The following CCDC18 variants were observed in gnomAD, a reference collection of about 807,000 sequenced individuals.
CCDC18 encodes coiled-coil domain-containing protein 18.
CCDC18 carries 157 observed loss-of-function variants against 196.0 expected under a neutral mutation model. The ratio of observed to expected loss-of-function variants is 0.80; its 90% CI spans 0.70 to 0.91. CCDC18 has a LOEUF of 0.91. CCDC18 is among the 40% of genes least tolerant of loss of function. CCDC18 has a pLI of 0.00. For missense variants in CCDC18, 1,465 were observed against 1,611.6 expected (o/e 0.91, Z 1.56); for synonymous variants, 482 against 529.2 (o/e 0.91, Z 1.22).
At chr1:93,182,294 G>GT (rs1571309548) in intron 1 of CCDC18, among the ~76,000 whole-genome samples, 1 of 152,164 alleles carries the variant, frequency 6.6e-6, no homozygotes. Flanking sequence ...GGGAATAAAT[G>GT]TAACATACCA....
chr1:93,255,739 C>CGAAGAAGAG (rs554040323), intron 24 of CCDC18, among the ~76,000 whole-genome samples: 3 of 114,870 alleles, frequency 2.6e-5, no homozygotes, highest in East Asian at 2.2e-4. Flanking sequence ...CTGTACCAAA[C>CGAAGAAGAG]GAAGAAGAGG....
chr1:93,258,783 G>C lies in CCDC18; in HGVS notation c.3582G>C (p.Gly1194=), dbSNP rs1167236372. The part of the protein sequence containing the change: ...AHGNHLAEEL[G]ASKVREAHLE... Reference sequence around the variant, plus strand: ...GAAACCATTTAGCTGAAGAACTGGGGGCTTCTAAAGTACGTGAAGCTCATT... The same window carrying C: ...GAAACCATTTAGCTGAAGAACTGGGCGCTTCTAAAGTACGTGAAGCTCATT... Residue 1194 remains glycine, a synonymous_variant, in exon 26 of 29, where the codon GGG becomes GGC. Transcript: ENST00000690025. The C allele has an allele frequency of 6.3e-7, 1 of 1,578,900 alleles. No homozygotes were observed.
At chr1:93,217,015 A>C (rs1398117336) in intron 13 of CCDC18, among the ~76,000 whole-genome samples, 1 of 146,658 alleles carries the variant, frequency 6.8e-6, no homozygotes, top group Non-Finnish European at 1.5e-5. Context: ...GCTCACTGCA[A>C]GCTCTGCCTC....
At chr1:93,250,291 G>A (rs1662054764) in intron 23 of CCDC18, among the ~76,000 whole-genome samples, 1 of 150,100 alleles carries the variant, frequency 6.7e-6, no homozygotes, top group South Asian at 2.1e-4. Context: ...TGAGGCGGGA[G>A]GATCACTTGA....
Position 93,207,386 on chromosome 1 carries a change from A to G in CCDC18, c.1197A>G (p.Ile399Met). ...AACTAAGAAGTTTGGAAAAGATTAT[A>G]TCCCAGTTGCCAGTAAGTATGTGTG... is the stretch of plus-strand genomic sequence containing the variant. ...RVELRSLEKIISQLPLKRELF... is the reference protein window; with the variant it reads ...RVELRSLEKIMSQLPLKRELF... The change falls in exon 9 of 29, where the codon ATA (isoleucine) becomes ATG (methionine). Residue 399 changes from isoleucine (I) to methionine (M), a missense_variant. Coordinates refer to ENST00000690025, the MANE Select transcript of CCDC18 (RefSeq NM_001378204.1). 1.3e-6 allele frequency: 2 copies of G among 1,591,702 alleles called. No individual in the cohort carries two copies. Among genetic ancestry groups the G allele is most frequent in the Non-Finnish European group, 1.7e-6 (2 of 1,168,244 alleles).
At chr1:93,243,340 T>C (rs551793594) in intron 21 of CCDC18, among the ~76,000 whole-genome samples, 2 of 152,334 alleles carry the variant, frequency 1.3e-5, no homozygotes, top group East Asian at 1.9e-4. Context: ...CTGTGCTCTA[T>C]GTTGTCCTTT....
chr1:93,222,228 G>A (rs552400411), intron 16 of CCDC18, among the ~76,000 whole-genome samples: 3 of 151,982 alleles, frequency 2.0e-5, no homozygotes, highest in African/African-American at 7.2e-5. Context: ...CAGAGCTGAC[G>A]ATTTGATCTG....
Position 93,210,798 on chromosome 1 carries a change from G to A in CCDC18, c.1210-4G>A. 1 of 1,578,478 alleles carries A rather than the reference G, an allele frequency of 6.3e-7. No homozygotes were observed. Among genetic ancestry groups the A allele is most frequent in the Non-Finnish European group, 8.7e-7 (1 of 1,150,290 alleles). ...TTTACATATGTTTGTTTTTAAACTT[G>A]CAGTTAAAAAGAGAATTATTTGGCT... is the stretch of plus-strand genomic sequence containing the variant. On this transcript the variant is annotated splice_region_variant and splice_polypyrimidine_tract_variant and intron_variant, in intron 9 of 28. Transcript: ENST00000690025.
chr1:93,205,733 T>G, intron 8 of CCDC18, 102 bp downstream of exon 8: 1 of 1,086,336 alleles, frequency 9.2e-7, no homozygotes, highest in Non-Finnish European at 1.3e-6. Context: ...AGGCTTACAT[T>G]ATATAGAAGG....
intron 16 of CCDC18, among the ~76,000 whole-genome samples, chr1:93,223,646 G>A (rs1657803113): frequency 6.6e-6 from 1 of 152,154 alleles, no homozygotes; most frequent in South Asian, 2.1e-4. Flanking sequence ...GTTACCTGCT[G>A]TTAAATGGAA....
At chr1:93,188,277 A>G (rs1425264502) in intron 4 of CCDC18, among the ~76,000 whole-genome samples, 2 of 152,218 alleles carry the variant, frequency 1.3e-5, no homozygotes, top group Non-Finnish European at 2.9e-5. Context: ...TACGTCTGGC[A>G]ATGGTTGTAC....
chr1:93,179,990 T>C, upstream of CCDC18: 1 of 1,513,462 alleles, frequency 6.6e-7, no homozygotes, highest in East Asian at 2.4e-5. Context: ...TCTAAACGGG[T>C]GAGAGGCGAC....
Position 93,201,241 on chromosome 1 carries a change from G to A in CCDC18, c.699-651G>A, listed in dbSNP as rs78483820. ...TCACTTACATTAGAAAGAATATGATGGGAATAGGTTTAAATATTAAAATAT... is the reference window on the plus strand; with the variant it reads ...TCACTTACATTAGAAAGAATATGATAGGAATAGGTTTAAATATTAAAATAT... On this transcript the variant is annotated intron_variant, in intron 6 of 28. Coordinates refer to ENST00000690025, the MANE Select transcript of CCDC18 (RefSeq NM_001378204.1). 8.3e-3 allele frequency among the ~76,000 whole-genome samples: 1,270 copies of A among 152,224 alleles called. 17 individuals are homozygous for A. The highest frequency in any genetic ancestry group is 0.029 in the African/African-American group (1,188 of 41,536).
chr1:93,258,989 C>T, intron 26 of CCDC18, 104 bp downstream of exon 26: 1 of 874,622 alleles, frequency 1.1e-6, no homozygotes, highest in African/African-American at 1.8e-5. Context: ...TTGAATAATA[C>T]ATTGTGGTCT....
chr1:93,212,144 G>A lies in CCDC18; in HGVS notation c.1378G>A (p.Ala460Thr), dbSNP rs1655750982. Residue 460 changes from alanine (A) to threonine (T), a missense_variant, in exon 11 of 29, where the codon GCA becomes ACA. Physicochemically the swap from Ala to Thr is moderately conservative, Grantham distance 58 (BLOSUM62 0). Coordinates refer to ENST00000690025, the MANE Select transcript of CCDC18 (RefSeq NM_001378204.1). ...AGAGGCAGAAATTCAAAAGCTTCATGCAAACCTGACTGCAAATCAGTTATC... is the reference window on the plus strand; with the variant it reads ...AGAGGCAGAAATTCAAAAGCTTCATACAAACCTGACTGCAAATCAGTTATC... ...IKEAEIQKLH[A>T]NLTANQLSQS... The A allele has an allele frequency of 6.2e-7, 1 of 1,609,324 alleles. No individual in the cohort carries two copies. Among genetic ancestry groups the A allele is most frequent in the South Asian group, 1.1e-5 (1 of 89,640 alleles).
chr1:93,180,112 T>C, upstream of CCDC18: 2 of 1,613,816 alleles, frequency 1.2e-6, no homozygotes, highest in Non-Finnish European at 1.7e-6. Context: ...GCACTCCTTC[T>C]GGCCGGCGGG....
At chr1:93,230,936 T>C (rs1012782721) in intron 17 of CCDC18, among the ~76,000 whole-genome samples, 1 of 152,234 alleles carries the variant, frequency 6.6e-6, no homozygotes, top group African/African-American at 2.4e-5. Flanking sequence ...TTACACTAAA[T>C]TATTTTCATG....
chr1:93,246,982 A>T, intron 23 of CCDC18, 28 bp downstream of exon 23: 2 of 947,910 alleles, frequency 2.1e-6, no homozygotes, highest in South Asian at 1.5e-5. Context: ...TACGTATTTT[A>T]AATTATTTTT....
rs188148133 is a variant in CCDC18, at chr1:93,249,113, C to T, written c.3198+2159C>T. Among the ~76,000 whole-genome samples, 74 of 151,866 alleles carry T rather than the reference C, an allele frequency of 4.9e-4. 1 individual carries two copies. The highest frequency in any genetic ancestry group is 1.4e-3 in the African/African-American group (60 of 41,430). On this transcript the variant is annotated intron_variant, in intron 23 of 28. Transcript: ENST00000690025. ...AGGTCCTGGGCTTTTCTTTGATGGG[C>T]GACTTTTTATTACTGCTTTTATCTC... is the stretch of plus-strand genomic sequence containing the variant.
Sources: gnomAD v4.1 joint callset for allele counts (sites outside exome capture counted in the v4.1 genomes callset) on GRCh38, gnomAD v4.1.1 for gene constraint, MANE v1.5 for transcripts, NCBI Gene and HGNC (gene_info 2026-07-23, HGNC 2026-07-21) for gene names.